SLC60A1: variants seen among roughly 807,000 people sequenced by gnomAD.
The protein encoded by SLC60A1 is major facilitator superfamily domain containing 4.
chr1:205,599,265 C>T, the SLC60A1 span: 1 of 1,613,552 alleles, frequency 6.2e-7, no homozygotes, highest in Non-Finnish European at 8.5e-7. Context: ...AGGAAAGTAT[C>T]TGTTTCTACA....
the SLC60A1 span, chr1:205,598,863 G>A: frequency 2.8e-3 from 1,367 of 481,348 alleles, 17 homozygotes; most frequent in African/African-American, 0.024. Flanking sequence ...GATAGAGATC[G>A]TCAGAAGGTT....
the SLC60A1 span, among the ~76,000 whole-genome samples, chr1:205,584,601 G>A: frequency 1.4e-5 from 2 of 147,844 alleles, no homozygotes; most frequent in African/African-American, 5.0e-5. Context: ...ACCTGACCAA[G>A]AGAATGAGGA....
At chr1:205,584,934 C>A in the SLC60A1 span, 1 of 1,614,116 alleles carries the variant, frequency 6.2e-7, no homozygotes, top group Non-Finnish European at 8.5e-7. Flanking sequence ...CCCCTTATTC[C>A]TTCTTTGCCA....
chr1:205,569,335 C>CCCCGGCA, the SLC60A1 span: 1 of 1,413,828 alleles, frequency 7.1e-7, no homozygotes, highest in Non-Finnish European at 9.3e-7. Flanking sequence ...GCCCCGCGGC[C>CCCCGGCA]CCCGGCACCC....
chr1:205,579,755 G>A, the SLC60A1 span: 2 of 1,614,034 alleles, frequency 1.2e-6, no homozygotes, highest in Non-Finnish European at 1.7e-6. Context: ...CTGCAGCCTG[G>A]CCCAGTCACT....
chr1:205,599,108 C>G, the SLC60A1 span: 1 of 1,613,386 alleles, frequency 6.2e-7, no homozygotes, highest in Non-Finnish European at 8.5e-7. Flanking sequence ...TTGTCTGTCT[C>G]TCTGTGTTTT....
At chr1:205,578,603 T>C in the SLC60A1 span, among the ~76,000 whole-genome samples, 5 of 152,114 alleles carry the variant, frequency 3.3e-5, no homozygotes, top group African/African-American at 1.2e-4. Flanking sequence ...TGGGGCAAGA[T>C]GAGATGGCTG....
At chr1:205,572,562 G>A in the SLC60A1 span, among the ~76,000 whole-genome samples, 647 of 152,152 alleles carry the variant, frequency 4.3e-3, 4 homozygotes, top group Non-Finnish European at 6.1e-3. Context: ...ACCAAACCCT[G>A]TCTTCCATAC....
the SLC60A1 span, among the ~76,000 whole-genome samples, chr1:205,569,790 C>A: frequency 0.29 from 44,716 of 151,792 alleles, 7,899 homozygotes; most frequent in East Asian, 0.78. Context: ...AGGTGGCCTG[C>A]GGCTTGACTG....
the SLC60A1 span, among the ~76,000 whole-genome samples, chr1:205,589,624 G>GT: frequency 5.3e-5 from 8 of 151,634 alleles, no homozygotes; most frequent in East Asian, 1.9e-4. Flanking sequence ...ATTTATTATT[G>GT]TTTTTTTTAG....
the SLC60A1 span, among the ~76,000 whole-genome samples, chr1:205,596,340 G>C: frequency 6.6e-6 from 1 of 151,970 alleles, no homozygotes; most frequent in Non-Finnish European, 1.5e-5. Flanking sequence ...ATCCAGGCAT[G>C]GGGACCAGAG....
At chr1:205,570,904 A>G in the SLC60A1 span, among the ~76,000 whole-genome samples, 1 of 152,202 alleles carries the variant, frequency 6.6e-6, no homozygotes, top group East Asian at 1.9e-4. Flanking sequence ...TTGAAATGAC[A>G]GGTTGGCAGG....
chr1:205,584,106 A>G, the SLC60A1 span: 1 of 1,613,728 alleles, frequency 6.2e-7, no homozygotes, highest in Non-Finnish European at 8.5e-7. Context: ...CTGCCCCCAA[A>G]GTTTCAGTCA....
the SLC60A1 span, among the ~76,000 whole-genome samples, chr1:205,599,644 A>G: frequency 6.6e-6 from 1 of 152,240 alleles, no homozygotes; most frequent in Admixed American, 6.5e-5. Flanking sequence ...CTAATTGGCC[A>G]TCTCTTTGCA....
chr1:205,579,827 C>A, the SLC60A1 span: 1 of 1,614,170 alleles, frequency 6.2e-7, no homozygotes, highest in Non-Finnish European at 8.5e-7. Flanking sequence ...CCCCTTCTGC[C>A]GCGACGTGAA....
At chr1:205,583,061 A>G in the SLC60A1 span, among the ~76,000 whole-genome samples, 4 of 152,224 alleles carry the variant, frequency 2.6e-5, no homozygotes, top group South Asian at 6.2e-4. Flanking sequence ...TGTCTTTCCT[A>G]AGTGAAAGGA....
At chr1:205,600,509 G>C in the SLC60A1 span, 1 of 1,583,272 alleles carries the variant, frequency 6.3e-7, no homozygotes, top group East Asian at 2.2e-5. Flanking sequence ...TTGATCACCA[G>C]CACGACCATA....
At chr1:205,572,855 T>C in the SLC60A1 span, among the ~76,000 whole-genome samples, 1 of 152,174 alleles carries the variant, frequency 6.6e-6, no homozygotes, top group Admixed American at 6.5e-5. Flanking sequence ...GAATTGAAAA[T>C]GTATGTCCAC....
the SLC60A1 span, chr1:205,595,291 T>C: frequency 1.3e-5 from 2 of 152,510 alleles, no homozygotes; most frequent in East Asian, 3.8e-4. Context: ...AAAACTGTTC[T>C]GTACCTCCCT....
Sources: gnomAD v4.1 joint callset for allele counts (sites outside exome capture counted in the v4.1 genomes callset) on GRCh38, gnomAD v4.1.1 for gene constraint, MANE v1.5 for transcripts, NCBI Gene and HGNC (gene_info 2026-07-23, HGNC 2026-07-21) for gene names.